Variants in IFT25 observed in about 807,000 individuals in gnomAD.
IFT25 encodes intraflagellar transport protein 25 homolog.
the IFT25 span, among the ~76,000 whole-genome samples, chr1:53,920,419 G>T: frequency 1.5e-5 from 2 of 137,718 alleles, no homozygotes; most frequent in African/African-American, 2.8e-5. Flanking sequence ...TCTAATAAGA[G>T]TACCTTCATG....
chr1:53,924,056 GGTTTGAAGGAATCATC>G, the IFT25 span: 1 of 722,812 alleles, frequency 1.4e-6, no homozygotes, highest in Non-Finnish European at 2.4e-6. Flanking sequence ...TATGAGACCA[GGTTTGAAGGAATCATC>G]GTTTGCATGT....
chr1:53,932,951 CTA>C, the IFT25 span, among the ~76,000 whole-genome samples: 1 of 152,170 alleles, frequency 6.6e-6, no homozygotes, highest in African/African-American at 2.4e-5. Context: ...TTCAGATCAT[CTA>C]TGTCTTTATT....
the IFT25 span, among the ~76,000 whole-genome samples, chr1:53,914,573 T>A: frequency 6.6e-6 from 1 of 152,224 alleles, no homozygotes; most frequent in Non-Finnish European, 1.5e-5. Flanking sequence ...TTTTTCTGTC[T>A]TATAAACATC....
At chr1:53,918,946 C>G in the IFT25 span, among the ~76,000 whole-genome samples, 1 of 152,172 alleles carries the variant, frequency 6.6e-6, no homozygotes, top group Non-Finnish European at 1.5e-5. Flanking sequence ...TCAAGTAATT[C>G]TCCTGCCTCA....
chr1:53,918,071 C>T, the IFT25 span, among the ~76,000 whole-genome samples: 1 of 152,140 alleles, frequency 6.6e-6, no homozygotes, highest in South Asian at 2.1e-4. Context: ...ACTGTGGTAA[C>T]GAGCAATTCC....
the IFT25 span, chr1:53,916,799 A>G: frequency 2.5e-6 from 1 of 394,338 alleles, no homozygotes; most frequent in African/African-American, 2.1e-5. Context: ...CTTATCTGGT[A>G]TACCAAGGTG....
At chr1:53,943,230 A>C in the IFT25 span, among the ~76,000 whole-genome samples, 1 of 152,232 alleles carries the variant, frequency 6.6e-6, no homozygotes, top group South Asian at 2.1e-4. Flanking sequence ...AAGAGATCAT[A>C]ATCTATGGAA....
chr1:53,924,622 T>A, the IFT25 span, among the ~76,000 whole-genome samples: 1 of 151,882 alleles, frequency 6.6e-6, no homozygotes, highest in Non-Finnish European at 1.5e-5. Context: ...GGATCACGAG[T>A]TCAGGAGATC....
chr1:53,914,209 G>A, the IFT25 span, among the ~76,000 whole-genome samples: 1 of 152,160 alleles, frequency 6.6e-6, no homozygotes. Flanking sequence ...TCATAACCAT[G>A]ACACGTTTAA....
the IFT25 span, among the ~76,000 whole-genome samples, chr1:53,922,103 TAA>T: frequency 6.6e-6 from 1 of 152,192 alleles, no homozygotes; most frequent in Non-Finnish European, 1.5e-5. Context: ...TCTAATTTTT[TAA>T]AAGTGTCAGC....
At chr1:53,921,705 T>G in the IFT25 span, 20 of 1,613,772 alleles carry the variant, frequency 1.2e-5, no homozygotes, top group African/African-American at 2.3e-4. Flanking sequence ...TATGCACAGA[T>G]GCAAAATGAT....
At chr1:53,919,103 T>G in the IFT25 span, among the ~76,000 whole-genome samples, 1 of 152,032 alleles carries the variant, frequency 6.6e-6, no homozygotes. Context: ...CCTCCCTAAG[T>G]GCTGGGATTA....
At chr1:53,932,220 A>C in the IFT25 span, among the ~76,000 whole-genome samples, 6 of 152,102 alleles carry the variant, frequency 3.9e-5, no homozygotes, top group Admixed American at 3.9e-4. Context: ...GTGTGGTGGC[A>C]CATGCCGGTA....
the IFT25 span, among the ~76,000 whole-genome samples, chr1:53,939,074 CAAAAAAAAAAAAA>C: frequency 8.9e-5 from 2 of 22,552 alleles, no homozygotes; most frequent in South Asian, 1.2e-3. Context: ...AACTCCGTCT[CAAAAAAAAAAAAA>C]AAAAAAAAAA....
At chr1:53,914,953 A>C in the IFT25 span, among the ~76,000 whole-genome samples, 2 of 152,346 alleles carry the variant, frequency 1.3e-5, no homozygotes, top group East Asian at 1.9e-4. Context: ...AAGGTCATTA[A>C]ATTTTTACTT....
At chr1:53,935,656 G>T in the IFT25 span, among the ~76,000 whole-genome samples, 3 of 150,470 alleles carry the variant, frequency 2.0e-5, no homozygotes, top group South Asian at 2.1e-4. Context: ...AAGAGACAGG[G>T]TCTTGCTCTC....
the IFT25 span, among the ~76,000 whole-genome samples, chr1:53,943,307 A>G: frequency 1.3e-5 from 2 of 152,186 alleles, no homozygotes; most frequent in Non-Finnish European, 2.9e-5. Flanking sequence ...TCTTAGGCTG[A>G]GTCAGATTTT....
At chr1:53,938,059 AATTTTGAGCAAGTCATTTTT>A in the IFT25 span, among the ~76,000 whole-genome samples, 5 of 152,270 alleles carry the variant, frequency 3.3e-5, no homozygotes, top group South Asian at 6.2e-4. Context: ...TTATCTGTGT[AATTTTGAGCAAGTCATTTTT>A]ATTTTGAGCA....
At chr1:53,933,301 AT>A in the IFT25 span, among the ~76,000 whole-genome samples, 6 of 151,590 alleles carry the variant, frequency 4.0e-5, no homozygotes, top group Non-Finnish European at 7.4e-5. Flanking sequence ...CGCCTGGCTA[AT>A]TTTTTTTATT....
Sources: allele counts gnomAD v4.1 joint callset (sites outside exome capture counted in the v4.1 genomes callset), GRCh38; gene constraint gnomAD v4.1.1; transcripts MANE v1.5; gene names NCBI Gene and HGNC (gene_info 2026-07-23, HGNC 2026-07-21).